FYTTD1: variants seen among roughly 807,000 people sequenced by gnomAD.
The protein encoded by FYTTD1 is forty-two-three domain containing 1.
A neutral mutation model predicts 40.9 loss-of-function variants in FYTTD1; 22 were observed. The observed-to-expected ratio is 0.54, with a 90% confidence interval of 0.38 to 0.77. The LOEUF (loss-of-function observed/expected upper bound fraction) is 0.77. Ranked by LOEUF, FYTTD1 falls within the 30% of genes least tolerant of loss-of-function variation. The probability of loss-of-function intolerance (pLI) is 0.00; values close to 1 mark genes in which losing one functional copy is unlikely to be tolerated. For missense variants in FYTTD1, 351 were observed against 392.2 expected, an observed-to-expected ratio of 0.90 and a Z score of 0.89; for synonymous variants, 140 against 137.9, an observed-to-expected ratio of 1.01 and a Z score of -0.10.
intron 8 of FYTTD1, among the ~76,000 whole-genome samples, chr3:197,779,354 G>T (rs755276293): frequency 6.6e-6 from 1 of 151,796 alleles, no homozygotes; most frequent in Non-Finnish European, 1.5e-5. Flanking sequence ...GGCAGAGTTG[G>T]CAGGGAGCTG....
upstream of FYTTD1, chr3:197,749,839 G>T: frequency 1.9e-6 from 1 of 529,086 alleles, no homozygotes; most frequent in East Asian, 3.9e-5. Flanking sequence ...GCCCGCAGCC[G>T]CGGGTGGAGA....
Position 197,781,918 on chromosome 3 carries a change from T to G in FYTTD1, c.*9T>G. ...TTGTCACCGTGGGATAGGTCCCATG[T>G]CAAAGGAACTTTTGAGTGATGACTC... On this transcript the variant is annotated 3_prime_UTR_variant, in exon 9 of 9. Transcript: ENST00000241502. 1 of 1,542,886 alleles carries G rather than the reference T, an allele frequency of 6.5e-7. No individual in the cohort carries two copies. The highest frequency in any genetic ancestry group is 8.8e-7 in the Non-Finnish European group (1 of 1,133,646).
intron 1 of FYTTD1, among the ~76,000 whole-genome samples, chr3:197,754,997 CT>C (rs1729169462): frequency 1.3e-5 from 2 of 152,258 alleles, no homozygotes; most frequent in South Asian, 4.1e-4. Context: ...CTAGTAACCT[CT>C]TTTAACAGAT....
At position 197,768,591 on chromosome 3, in the gene FYTTD1, G is replaced by A. The variant is rs547804206; in HGVS notation, c.384+4G>A. On this transcript the variant is annotated splice_donor_region_variant and intron_variant, in intron 3 of 8. Transcript: ENST00000241502. ...TCGTCCACCTCTAAGTGACAAGGTA[G>A]GATGATGGCTTAATCCTGGATTAGA... is the stretch of plus-strand genomic sequence containing the variant. 3 of 1,610,062 alleles carry A rather than the reference G, an allele frequency of 1.9e-6. No individual in the cohort carries two copies. The highest frequency in any genetic ancestry group is 2.2e-5 in the East Asian group (1 of 44,756).
upstream of FYTTD1, chr3:197,749,821 C>T: frequency 2.1e-6 from 1 of 483,440 alleles, no homozygotes; most frequent in East Asian, 4.1e-5. Context: ...TGTCGGTGGC[C>T]CCGCCCCGCC....
chr3:197,758,849 A>G (rs1054455045), intron 2 of FYTTD1, among the ~76,000 whole-genome samples: 3 of 152,250 alleles, frequency 2.0e-5, no homozygotes, highest in Non-Finnish European at 2.9e-5. Flanking sequence ...GGTAAGAGAA[A>G]TAAGTAGGAC....
intron 1 of FYTTD1, chr3:197,755,781 C>A: frequency 3.9e-6 from 6 of 1,550,332 alleles, no homozygotes; most frequent in Non-Finnish European, 5.2e-6. Context: ...AGTCACCATG[C>A]CTGGCCGGAA....
chr3:197,760,413 T>C (rs1401477331), intron 2 of FYTTD1, among the ~76,000 whole-genome samples: 1 of 152,064 alleles, frequency 6.6e-6, no homozygotes, highest in Non-Finnish European at 1.5e-5. Context: ...TGGTAGAATG[T>C]ATAGAGTTGT....
chr3:197,753,932 G>T (rs1329016299), intron 1 of FYTTD1, among the ~76,000 whole-genome samples: 2 of 151,972 alleles, frequency 1.3e-5, no homozygotes, highest in Non-Finnish European at 2.9e-5. Context: ...AGTAGACACA[G>T]GGTTTCACCA....
chr3:197,771,515 G>A lies in FYTTD1; in HGVS notation c.497+1271G>A, dbSNP rs111851288. ...AATTAGGCCGGGTGCGGTGGCTCAC[G>A]CCTGTAATCCCAGCACTTTGGGAGG... On this transcript the variant is annotated intron_variant, in intron 4 of 8. Transcript: ENST00000241502. Among the ~76,000 whole-genome samples, 863 of 152,128 alleles carry A rather than the reference G, an allele frequency of 5.7e-3. 11 individuals are homozygous for A. Among genetic ancestry groups the A allele is most frequent in the African/African-American group, 0.02 (829 of 41,506 alleles).
intron 5 of FYTTD1, 100 bp from the exon 6 acceptor site, chr3:197,774,049 G>A (rs1421224912): frequency 2.8e-5 from 27 of 969,996 alleles, no homozygotes; most frequent in Non-Finnish European, 4.2e-5. Context: ...CTGCACTCAT[G>A]TACACGCACC....
intron 2 of FYTTD1, among the ~76,000 whole-genome samples, chr3:197,757,037 T>A (rs544042089): frequency 6.6e-6 from 1 of 152,352 alleles, no homozygotes; most frequent in East Asian, 1.9e-4. Context: ...CTCTTTTGTA[T>A]ATGAGAACTC....
chr3:197,780,623 A>G (rs1580472315), intron 8 of FYTTD1, among the ~76,000 whole-genome samples: 1 of 151,892 alleles, frequency 6.6e-6, no homozygotes, highest in Admixed American at 6.6e-5. Context: ...GCTGACTGCA[A>G]CCTCTGCCTC....
chr3:197,772,922 T>A (rs1729760172), intron 4 of FYTTD1, among the ~76,000 whole-genome samples: 2 of 152,198 alleles, frequency 1.3e-5, no homozygotes, highest in Non-Finnish European at 2.9e-5. Context: ...ATGGTTTATG[T>A]TAATACATAA....
intron 1 of FYTTD1, chr3:197,750,964 G>T (rs1407519040): frequency 3.9e-6 from 2 of 507,752 alleles, no homozygotes; most frequent in Non-Finnish European, 5.1e-6. Flanking sequence ...GCTTAGGTGG[G>T]CTAAAAGTAC....
intron 1 of FYTTD1, among the ~76,000 whole-genome samples, chr3:197,756,088 C>T (rs183127414): frequency 1.1e-4 from 13 of 114,146 alleles, no homozygotes; most frequent in Middle Eastern, 5.6e-3. Context: ...TCTGTGATTA[C>T]GGGAAGTAGG....
At chr3:197,754,663 CTTTCTTTTTTTTTTT>C (rs1729160678) in intron 1 of FYTTD1, among the ~76,000 whole-genome samples, 1 of 135,104 alleles carries the variant, frequency 7.4e-6, no homozygotes, top group African/African-American at 2.8e-5. Flanking sequence ...TTTTTTTTTT[CTTTCTTTTTTTTTTT>C]TTTTGAAAGA....
At chr3:197,750,712 C>T (rs1170429127) in intron 1 of FYTTD1, 2 of 985,362 alleles carry the variant, frequency 2.0e-6, no homozygotes, top group Non-Finnish European at 2.4e-6. Flanking sequence ...GTGTATTGAG[C>T]GCTGCCTAGA....
chr3:197,752,983 A>G (rs1729108674), intron 1 of FYTTD1, among the ~76,000 whole-genome samples: 2 of 152,126 alleles, frequency 1.3e-5, no homozygotes, highest in Middle Eastern at 3.4e-3. Flanking sequence ...GATGATTAGT[A>G]CGTTCAAGTG....
Sources: allele counts gnomAD v4.1 joint callset (sites outside exome capture counted in the v4.1 genomes callset), GRCh38; gene constraint gnomAD v4.1.1; transcripts MANE v1.5; gene names NCBI Gene and HGNC (gene_info 2026-07-23, HGNC 2026-07-21).